The following RBMS3 variants were observed in gnomAD, a reference collection of about 807,000 sequenced individuals.
RBMS3 encodes RNA binding motif single stranded interacting protein 3, also known as RNA-binding motif, single-stranded-interacting protein 3.
A neutral mutation model predicts 66.8 loss-of-function variants in RBMS3; 27 were observed. The ratio of observed to expected loss-of-function variants is 0.40; its 90% CI spans 0.30 to 0.56. The LOEUF is 0.56. RBMS3 is among the 20% of genes least tolerant of loss of function. The pLI is 0.40. For synonymous variants in RBMS3, 188 were observed against 183.0 expected (o/e 1.03, Z -0.22); for missense variants, 513 against 549.5 (o/e 0.93, Z 0.66).
chr3:29,796,648 C>T (rs2057199820), intron 6 of RBMS3, among the ~76,000 whole-genome samples: 1 of 151,424 alleles, frequency 6.6e-6, no homozygotes, highest in Admixed American at 6.6e-5. Context: ...TCTTGTACAT[C>T]TCCATCAATG....
chr3:29,908,535 T>A (rs1261707063), intron 10 of RBMS3, among the ~76,000 whole-genome samples: 1 of 152,114 alleles, frequency 6.6e-6, no homozygotes, highest in Non-Finnish European at 1.5e-5. Flanking sequence ...AAGTTGTAAA[T>A]CAATAATTTG....
At chr3:29,980,788 A>G (rs952355441) in intron 12 of RBMS3, among the ~76,000 whole-genome samples, 2 of 152,100 alleles carry the variant, frequency 1.3e-5, no homozygotes, top group Non-Finnish European at 2.9e-5. Flanking sequence ...CCCTTGGTCT[A>G]TGTATCTGTT....
intron 3 of RBMS3, among the ~76,000 whole-genome samples, chr3:29,548,465 G>A (rs932610153): frequency 5.3e-5 from 8 of 150,986 alleles, no homozygotes; most frequent in African/African-American, 9.7e-5. Context: ...ACAAAACGAC[G>A]TTAATGAAGG....
At chr3:29,834,729 A>T (rs1352661383) in intron 6 of RBMS3, among the ~76,000 whole-genome samples, 2 of 152,058 alleles carry the variant, frequency 1.3e-5, no homozygotes, top group Non-Finnish European at 2.9e-5. Flanking sequence ...GAATCAAAGG[A>T]TCTACAAAAC....
At chr3:29,448,433 T>C (rs540934553) in intron 2 of RBMS3, among the ~76,000 whole-genome samples, 3 of 152,224 alleles carry the variant, frequency 2.0e-5, no homozygotes, top group South Asian at 4.1e-4. Context: ...GGTCTTTAAA[T>C]AAACAGTTCT....
rs1383741465 is a variant in RBMS3, at chr3:29,820,183, CT to C, written c.638-48673del. ...CAGCCTGGGTAACAGAGTGAGACTT[CT>C]TCTCAAAAAAAAAAAAAAAAAAAAA... On this transcript the variant is annotated intron_variant, in intron 6 of 14. Transcript: ENST00000383767. 9.2e-4 allele frequency among the ~76,000 whole-genome samples: 56 copies of C among 61,176 alleles called. 1 individual carries two copies. Among genetic ancestry groups the C allele is most frequent in the African/African-American group, 3.6e-3 (56 of 15,434 alleles). The allele number at this position is 61,176 out of a possible 152,430, so 40.1% of individuals were successfully genotyped here. A position where few individuals can be genotyped will look rare whatever the true frequency, so the allele number is the denominator to read the frequency against.
chr3:29,501,662 T>G (rs2043979172), intron 3 of RBMS3, among the ~76,000 whole-genome samples: 1 of 152,168 alleles, frequency 6.6e-6, no homozygotes, highest in African/African-American at 2.4e-5. Flanking sequence ...TACTTAAATA[T>G]GGAAGGTAAA....
At chr3:29,441,136 T>C (rs1386424189) in intron 2 of RBMS3, among the ~76,000 whole-genome samples, 1 of 152,204 alleles carries the variant, frequency 6.6e-6, no homozygotes, top group African/African-American at 2.4e-5. Context: ...GTGGCAGGTG[T>C]GAGCAGGAAG....
chr3:29,455,186 T>C (rs1250309204), intron 2 of RBMS3, among the ~76,000 whole-genome samples: 1 of 152,188 alleles, frequency 6.6e-6, no homozygotes, highest in Non-Finnish European at 1.5e-5. Flanking sequence ...ACTTTGCCTA[T>C]ATCTCGATCA....
intron 4 of RBMS3, among the ~76,000 whole-genome samples, chr3:29,732,469 C>A (rs2054179582): frequency 6.6e-6 from 1 of 152,102 alleles, no homozygotes; most frequent in Non-Finnish European, 1.5e-5. Flanking sequence ...AATGGTTTGA[C>A]CAATCTGGGC....
chr3:29,874,807 G>A (rs1320481153), intron 7 of RBMS3, among the ~76,000 whole-genome samples: 1 of 152,110 alleles, frequency 6.6e-6, no homozygotes, highest in Non-Finnish European at 1.5e-5. Context: ...TTAGTTAAGT[G>A]TTCTATTTTA....
intron 5 of RBMS3, among the ~76,000 whole-genome samples, chr3:29,760,939 T>G (rs2028409): frequency 0.42 from 64,300 of 151,686 alleles, 13,859 homozygotes; most frequent in African/African-American, 0.51. Flanking sequence ...TGAAGACTTT[T>G]TTTTTCAAAA....
intron 8 of RBMS3, among the ~76,000 whole-genome samples, chr3:29,890,599 A>T (rs1303760088): frequency 6.6e-6 from 1 of 151,608 alleles, no homozygotes; most frequent in East Asian, 1.9e-4. Context: ...TTCTATCTAT[A>T]GTACAGTCTA....
At chr3:29,703,437 T>G (rs138586504) in intron 4 of RBMS3, among the ~76,000 whole-genome samples, 136 of 152,320 alleles carry the variant, frequency 8.9e-4, no homozygotes, top group African/African-American at 3.1e-3. Flanking sequence ...AACAACTTAA[T>G]GAATGCTATT....
intron 1 of RBMS3, among the ~76,000 whole-genome samples, chr3:29,426,120 T>C (rs756109876): frequency 1.3e-5 from 2 of 152,236 alleles, no homozygotes; most frequent in Non-Finnish European, 2.9e-5. Context: ...TTTCAAGGTA[T>C]ACACTTGACT....
chr3:30,010,027 T>TA lies in RBMS3; in HGVS notation c.*6172dup, dbSNP rs756575868. The TA allele has an allele frequency of 3.3e-5, 5 of 151,702 alleles. No individual in the cohort carries two copies. The highest frequency in any genetic ancestry group is 6.6e-5 in the Admixed American group (1 of 15,236). The allele number at this position is 151,702 out of a possible 1,614,324, so 9.4% of individuals were successfully genotyped here. A position where few individuals can be genotyped will look rare whatever the true frequency, so the allele number is the denominator to read the frequency against. On this transcript the variant is annotated 3_prime_UTR_variant, in exon 15 of 15. Transcript: ENST00000383767. ...GAAGAAGAAAAATGGAATCTTAATT[T>TA]AAAAAAATATATGTAGTAGTATCTG...
intron 6 of RBMS3, among the ~76,000 whole-genome samples, chr3:29,821,855 C>T (rs1441835756): frequency 2.0e-5 from 3 of 152,146 alleles, no homozygotes; most frequent in Non-Finnish European, 2.9e-5. Flanking sequence ...CTTCTAGCCA[C>T]ATCAGATTCT....
At chr3:29,916,348 A>G (rs1186963556) in intron 10 of RBMS3, among the ~76,000 whole-genome samples, 1 of 151,946 alleles carries the variant, frequency 6.6e-6, no homozygotes, top group Non-Finnish European at 1.5e-5. Context: ...TTAATTTGTT[A>G]AGTTTAATAA....
intron 6 of RBMS3, among the ~76,000 whole-genome samples, chr3:29,794,666 A>G (rs910162225): frequency 1.3e-5 from 2 of 152,212 alleles, no homozygotes; most frequent in Admixed American, 1.3e-4. Flanking sequence ...GTTCAGGCAC[A>G]TGACTTTATA....
Sources: allele counts gnomAD v4.1 joint callset (sites outside exome capture counted in the v4.1 genomes callset), GRCh38; gene constraint gnomAD v4.1.1; transcripts MANE v1.5; gene names NCBI Gene and HGNC (gene_info 2026-07-23, HGNC 2026-07-21).